Variants in HDAC9 observed in about 807,000 individuals in gnomAD.
HDAC9 encodes histone deacetylase 9, also known as MEF-2 interacting transcription repressor (MITR) protein.
HDAC9 carries 41 observed loss-of-function variants against 139.4 expected under a neutral mutation model. The observed-to-expected ratio is 0.29, with a 90% CI of 0.23 to 0.38. HDAC9 has a LOEUF of 0.38. HDAC9 is among the 10% of genes least tolerant of loss of function. HDAC9 has a pLI of 1.00. For missense variants in HDAC9, 1,147 were observed against 1,297.0 expected, an observed-to-expected ratio of 0.88 and a Z score of 1.78; for synonymous variants, 517 against 476.2, an observed-to-expected ratio of 1.09 and a Z score of -1.12.
At chr7:18,354,801 A>T (rs551337955) in intron 1 of HDAC9, among the ~76,000 whole-genome samples, 1 of 152,154 alleles carries the variant, frequency 6.6e-6, no homozygotes, top group East Asian at 1.9e-4. Context: ...AATGCCCTTC[A>T]GAAGGATCTA....
At chr7:18,591,447 C>T in intron 4 of HDAC9, 69 bp from the exon 5 acceptor site, 1 of 1,478,616 alleles carries the variant, frequency 6.8e-7, no homozygotes, top group South Asian at 1.4e-5. Context: ...GGACAAAACT[C>T]ACCATCAACA....
chr7:18,660,615 A>G (rs1171102734), intron 11 of HDAC9, among the ~76,000 whole-genome samples: 2 of 152,184 alleles, frequency 1.3e-5, no homozygotes, highest in African/African-American at 4.8e-5. Flanking sequence ...AAACAAAGAT[A>G]GCGATATGAT....
chr7:18,145,913 T>G (rs993738776), intron 1 of HDAC9, among the ~76,000 whole-genome samples: 1 of 151,904 alleles, frequency 6.6e-6, no homozygotes, highest in African/African-American at 2.4e-5. Context: ...GAGGAGCAAA[T>G]TTAGGGCAGA....
intron 25 of HDAC9, among the ~76,000 whole-genome samples, chr7:18,990,313 G>C (rs538302559): frequency 1.3e-5 from 2 of 152,098 alleles, no homozygotes; most frequent in African/African-American, 4.8e-5. Context: ...GGCCATGTGA[G>C]GTGTCAGTGT....
chr7:18,589,354 T>G (rs1830327939), intron 3 of HDAC9, among the ~76,000 whole-genome samples: 1 of 152,034 alleles, frequency 6.6e-6, no homozygotes, highest in Non-Finnish European at 1.5e-5. Context: ...GGCAAGACTT[T>G]GTCTCCACTA....
At chr7:18,162,213 T>G in intron 1 of HDAC9, 1 of 908,918 alleles carries the variant, frequency 1.1e-6, no homozygotes, top group East Asian at 2.6e-5. Flanking sequence ...AACACTGCAT[T>G]TTTCTTATGT....
rs556066137 is a variant in HDAC9 at position 18,138,678 on chromosome 7, A to G, written c.-96-23551A>G. On this transcript the variant is annotated intron_variant, in intron 1 of 12. Transcript: ENST00000417496. ...TTTCTAGGAACTCCTTTGGACATGCACCAGCCAAAAAATTAGGGGCTCAAG... is the reference window on the plus strand; with the variant it reads ...TTTCTAGGAACTCCTTTGGACATGCGCCAGCCAAAAAATTAGGGGCTCAAG... 5.9e-5 allele frequency among the ~76,000 whole-genome samples: 9 copies of G among 152,046 alleles called. No homozygotes were observed. The South Asian group carries it at 1.2e-3, about 21-fold the overall frequency.
At chr7:18,779,948 G>T (rs2588600) in intron 16 of HDAC9, among the ~76,000 whole-genome samples, 4 of 151,886 alleles carry the variant, frequency 2.6e-5, no homozygotes, top group African/African-American at 7.3e-5. Context: ...CCAGTGATTA[G>T]GCATCTAGGC....
chr7:18,652,161 A>AT (rs1789487390), intron 11 of HDAC9, among the ~76,000 whole-genome samples: 1 of 152,026 alleles, frequency 6.6e-6, no homozygotes, highest in Non-Finnish European at 1.5e-5. Flanking sequence ...CATTTATATC[A>AT]TTTTTCCCCA....
At chr7:18,932,698 T>G (rs1031265452) in intron 22 of HDAC9, among the ~76,000 whole-genome samples, 1 of 151,614 alleles carries the variant, frequency 6.6e-6, no homozygotes, top group Non-Finnish European at 1.5e-5. Context: ...TACTCCTAAA[T>G]AAAACATCAT....
intron 1 of HDAC9, among the ~76,000 whole-genome samples, chr7:18,092,222 C>CA (rs1278069558): frequency 1.3e-5 from 2 of 151,562 alleles, no homozygotes; most frequent in South Asian, 2.1e-4. Context: ...CCTGTTGCTA[C>CA]AAAAAAATGC....
chr7:18,401,537 G>A (rs1787542167), intron 1 of HDAC9, among the ~76,000 whole-genome samples: 1 of 152,294 alleles, frequency 6.6e-6, no homozygotes, highest in East Asian at 1.9e-4. Flanking sequence ...GATCATCATG[G>A]TGGTGATCAT....
At chr7:18,538,182 G>A (rs781023097) in intron 2 of HDAC9, among the ~76,000 whole-genome samples, 8 of 152,188 alleles carry the variant, frequency 5.3e-5, no homozygotes, top group South Asian at 2.1e-4. Context: ...ACATTCTCCC[G>A]TGGGGTCTCA....
At chr7:18,290,954 CTTGA>C (rs1377397582) in intron 1 of HDAC9, among the ~76,000 whole-genome samples, 1 of 151,974 alleles carries the variant, frequency 6.6e-6, no homozygotes, top group East Asian at 1.9e-4. Flanking sequence ...CTTTTAACTC[CTTGA>C]TTATCAAAAA....
intron 2 of HDAC9, among the ~76,000 whole-genome samples, chr7:18,541,139 G>A (rs559833453): frequency 0.078 from 3,590 of 46,316 alleles, 282 homozygotes; most frequent in African/African-American, 0.22. Flanking sequence ...CCAAGGAACC[G>A]TGTTTTTTTT....
chr7:18,803,333 C>T (rs759825879), intron 17 of HDAC9, among the ~76,000 whole-genome samples: 3 of 152,058 alleles, frequency 2.0e-5, no homozygotes, highest in Non-Finnish European at 2.9e-5. Flanking sequence ...GTAGCACTGA[C>T]GAGGTATGAT....
intron 1 of HDAC9, among the ~76,000 whole-genome samples, chr7:18,142,593 A>G (rs559478459): frequency 6.6e-6 from 1 of 152,320 alleles, no homozygotes; most frequent in Middle Eastern, 3.4e-3. Context: ...TTAATTCCCT[A>G]GTTGTTTCTC....
chr7:18,591,516 G>T lies in HDAC9; in HGVS notation c.416G>T (p.Arg139Met). 6.4e-7 allele frequency: 1 copy of T among 1,565,536 alleles called. No homozygotes were observed. The highest frequency in any genetic ancestry group is 8.6e-7 in the Non-Finnish European group (1 of 1,158,048). ...GTGTGTGTGTGTGTGTGTATTTCAGGGGCAGTGGCAAGTACAGAAGTAAAG... is the reference window on the plus strand; with the variant it reads ...GTGTGTGTGTGTGTGTGTATTTCAGTGGCAGTGGCAAGTACAGAAGTAAAG... The part of the protein sequence containing the change: ...PLRGKDRGRE[R>M]AVASTEVKQK... The change falls in exon 5 of 26, where the codon AGG becomes ATG. Residue 139 changes from arginine (R) to methionine (M), a missense_variant and splice_region_variant. By Grantham distance (91) the Arg-to-Met change is moderately conservative. Around this residue, in one of 7 missense-constraint regions of HDAC9, gnomAD observed 136 missense variants for 183.5 expected, o/e 0.74. Transcript: ENST00000686413.
At chr7:18,851,378 C>T (rs374424536) in intron 21 of HDAC9, 1 of 152,286 alleles carries the variant, frequency 6.6e-6, no homozygotes, top group Non-Finnish European at 1.5e-5. Context: ...TGTTTGGCAG[C>T]TCCTCCTTTG....
Sources: gnomAD v4.1 joint callset for allele counts (sites outside exome capture counted in the v4.1 genomes callset) on GRCh38, gnomAD v4.1.1 for gene constraint, gnomAD v4.1.1 regional missense constraint, MANE v1.5 for transcripts, NCBI Gene and HGNC (gene_info 2026-07-23, HGNC 2026-07-21) for gene names.